Variants in OR1B1 observed in about 807,000 individuals in gnomAD.
OR1B1 encodes olfactory receptor family 1 subfamily B member 1.
For missense variants in OR1B1, 414 were observed against 402.1 expected (o/e 1.03, Z -0.25); for synonymous variants, 168 against 156.2 (o/e 1.08, Z -0.57).
chr9:122,657,498 T>C, the OR1B1 span, among the ~76,000 whole-genome samples: 1 of 152,190 alleles, frequency 6.6e-6, no homozygotes, highest in African/African-American at 2.4e-5. Context: ...CAAGGGCTTT[T>C]AGAACAGATT....
the OR1B1 span, among the ~76,000 whole-genome samples, chr9:122,652,573 C>A: frequency 1.3e-5 from 2 of 152,192 alleles, no homozygotes; most frequent in South Asian, 4.1e-4. Context: ...TAATTTGTAT[C>A]TTTATTACAG....
chr9:122,631,834 G>A (rs1830206850), upstream of OR1B1, among the ~76,000 whole-genome samples: 1 of 152,120 alleles, frequency 6.6e-6, no homozygotes. Context: ...GGGTATGTGA[G>A]AACAAATGAA....
chr9:122,639,421 C>A, the OR1B1 span, among the ~76,000 whole-genome samples: 1 of 151,704 alleles, frequency 6.6e-6, no homozygotes, highest in East Asian at 1.9e-4. Context: ...ATATAATAGC[C>A]CTTTGCATGA....
chr9:122,633,193 A>C (rs1420445801), upstream of OR1B1, among the ~76,000 whole-genome samples: 1 of 152,186 alleles, frequency 6.6e-6, no homozygotes, highest in Non-Finnish European at 1.5e-5. Context: ...TCAGGAAACA[A>C]AATAAGAAGA....
rs766334037 is a variant in OR1B1 at position 122,628,608 on chromosome 9, G to A, written c.928C>T (p.Leu310=). ...GGGTCTACCTTCACCCATTCAAGCA[G>A]CCTGCAGAGTGCACCCTTGACATCC... Residue 310 remains leucine (L), a synonymous_variant, in exon 1 of 1, where the codon CTG becomes TTG. Transcript: ENST00000623530. 36 of 1,613,088 alleles carry A rather than the reference G, an allele frequency of 2.2e-5. No individual in the cohort carries two copies. In the East Asian group the frequency reaches 8.0e-4, roughly 36 times the overall value.
chr9:122,628,733 G>C lies in OR1B1; in HGVS notation c.803C>G (p.Pro268Arg), dbSNP rs41316978. The change falls in exon 1 of 1, where the codon CCT becomes CGT. Residue 268 changes from proline (P) to arginine (R), a missense_variant. By Grantham distance (103) the Pro-to-Arg change is moderately radical. Transcript: ENST00000623530. ...CTGATACTGAGAGTTCTGGAAGGGA[G>C]GCTGGAAGTAGACACAAATGATGGT... 9.5e-3 allele frequency: 15,384 copies of C among 1,614,024 alleles called. 116 individuals are homozygous for C. Among genetic ancestry groups the C allele is most frequent in the Non-Finnish European group, 0.01 (12,145 of 1,179,908 alleles).
At chr9:122,633,278 CA>C (rs369282448), upstream of OR1B1, among the ~76,000 whole-genome samples, 1 of 152,294 alleles carries the variant, frequency 6.6e-6, no homozygotes, top group Non-Finnish European at 1.5e-5. Context: ...ACCCTTATCT[CA>C]CACCATTCAC....
the OR1B1 span, among the ~76,000 whole-genome samples, chr9:122,640,504 AG>A: frequency 6.6e-6 from 1 of 152,206 alleles, no homozygotes; most frequent in Admixed American, 6.5e-5. Flanking sequence ...AAATAAAAGG[AG>A]ACAGAAGAAA....
the OR1B1 span, among the ~76,000 whole-genome samples, chr9:122,645,240 G>A: frequency 6.7e-6 from 1 of 149,620 alleles, no homozygotes; most frequent in African/African-American, 2.5e-5. Context: ...AATACAGTCA[G>A]AGGAGACAAA....
chr9:122,635,624 T>C, the OR1B1 span, among the ~76,000 whole-genome samples: 1 of 152,344 alleles, frequency 6.6e-6, no homozygotes, highest in South Asian at 2.1e-4. Context: ...ATTAAAACCT[T>C]ATGTTGTACA....
At chr9:122,634,629 A>G in the OR1B1 span, among the ~76,000 whole-genome samples, 8 of 152,088 alleles carry the variant, frequency 5.3e-5, no homozygotes, top group African/African-American at 1.9e-4. Flanking sequence ...CCATGATCCA[A>G]TCACCTCCCA....
chr9:122,647,982 G>C, the OR1B1 span, among the ~76,000 whole-genome samples: 10,303 of 151,980 alleles, frequency 0.068, 918 homozygotes, highest in African/African-American at 0.2. Flanking sequence ...CTCCTTATAT[G>C]CTTTGTTTTC....
chr9:122,650,423 T>A, the OR1B1 span, among the ~76,000 whole-genome samples: 4 of 150,374 alleles, frequency 2.7e-5, no homozygotes, highest in East Asian at 3.9e-4. Flanking sequence ...TAAAAAAATA[T>A]ATATATAATA....
the OR1B1 span, among the ~76,000 whole-genome samples, chr9:122,645,604 T>G: frequency 6.6e-6 from 1 of 152,092 alleles, no homozygotes; most frequent in Non-Finnish European, 1.5e-5. Flanking sequence ...GTGGAAACCT[T>G]ACAGGCCAGG....
the OR1B1 span, among the ~76,000 whole-genome samples, chr9:122,648,832 A>G: frequency 6.6e-6 from 1 of 152,206 alleles, no homozygotes; most frequent in Non-Finnish European, 1.5e-5. Context: ...TGCCCAAAGT[A>G]ATTTATACAT....
chr9:122,635,603 T>C, the OR1B1 span, among the ~76,000 whole-genome samples: 1 of 152,208 alleles, frequency 6.6e-6, no homozygotes, highest in Non-Finnish European at 1.5e-5. Context: ...CATTTCACTA[T>C]GTATGTGTAC....
At chr9:122,636,881 T>C in the OR1B1 span, among the ~76,000 whole-genome samples, 1 of 152,338 alleles carries the variant, frequency 6.6e-6, no homozygotes, top group Non-Finnish European at 1.5e-5. Context: ...ATCTGTCAAA[T>C]AGTGACAAAA....
chr9:122,650,219 G>A, the OR1B1 span, among the ~76,000 whole-genome samples: 1 of 152,034 alleles, frequency 6.6e-6, no homozygotes, highest in African/African-American at 2.4e-5. Context: ...TGAACATAGG[G>A]AGGGGAACAT....
At chr9:122,636,789 T>G in the OR1B1 span, among the ~76,000 whole-genome samples, 1 of 152,164 alleles carries the variant, frequency 6.6e-6, no homozygotes, top group Non-Finnish European at 1.5e-5. Flanking sequence ...AATACAAAGG[T>G]TTCGGAGTCA....
Sources: gnomAD v4.1 joint callset for allele counts (sites outside exome capture counted in the v4.1 genomes callset) on GRCh38, gnomAD v4.1.1 for gene constraint, MANE v1.5 for transcripts, NCBI Gene and HGNC (gene_info 2026-07-23, HGNC 2026-07-21) for gene names.